The following MCM5 variants were observed in gnomAD, a reference collection of about 807,000 sequenced individuals.
The protein encoded by MCM5 is DNA replication licensing factor MCM5.
Under a neutral mutation model 79.9 loss-of-function variants are expected in MCM5, and 46 were observed. The ratio of observed to expected loss-of-function variants is 0.58; its 90% confidence interval spans 0.45 to 0.74. MCM5 has a LOEUF of 0.74. Among genes scored for constraint, MCM5 ranks in the 30% least tolerant of loss-of-function variants. MCM5 has a pLI of 0.00. For missense variants in MCM5, 883 were observed against 1,017.0 expected (o/e 0.87, Z 1.79); for synonymous variants, 404 against 390.5 (o/e 1.03, Z -0.41).
chr22:35,428,099 C>T (rs2145808159), downstream of MCM5, among the ~76,000 whole-genome samples: 1 of 150,982 alleles, frequency 6.6e-6, no homozygotes, highest in South Asian at 2.1e-4. Flanking sequence ...CGGCTCACTG[C>T]AACCTCCGCC....
At chr22:35,426,276 C>A (rs1569072281), downstream of MCM5, among the ~76,000 whole-genome samples, 1 of 152,178 alleles carries the variant, frequency 6.6e-6, no homozygotes, top group Non-Finnish European at 1.5e-5. Flanking sequence ...AGGGAAACAC[C>A]TGCTTGTTGG....
chr22:35,422,953 G>C, intron 15 of MCM5: 1 of 309,092 alleles, frequency 3.2e-6, no homozygotes, highest in Non-Finnish European at 5.9e-6. Context: ...TGTCTCTGCT[G>C]CGCTGGGCCC....
At chr22:35,430,998 C>T in the MCM5 span, among the ~76,000 whole-genome samples, 2 of 152,252 alleles carry the variant, frequency 1.3e-5, no homozygotes, top group South Asian at 2.1e-4. Flanking sequence ...CATGAGGGGG[C>T]GCCAGAGCAC....
chr22:35,446,021 C>G, the MCM5 span, among the ~76,000 whole-genome samples: 1 of 152,228 alleles, frequency 6.6e-6, no homozygotes, highest in Non-Finnish European at 1.5e-5. Flanking sequence ...GTGCTTGACA[C>G]ATAGTGGGCA....
the MCM5 span, among the ~76,000 whole-genome samples, chr22:35,441,967 A>T: frequency 2.6e-5 from 4 of 152,026 alleles, no homozygotes; most frequent in African/African-American, 9.7e-5. Context: ...GCGTGTTGCA[A>T]CAGCATCCCA....
At chr22:35,439,427 C>T in the MCM5 span, among the ~76,000 whole-genome samples, 1 of 45,766 alleles carries the variant, frequency 2.2e-5, no homozygotes, top group Non-Finnish European at 4.0e-5. Context: ...ATTCATTCAT[C>T]CATCCACCCA....
At position 35,421,342 on chromosome 22, in the gene MCM5, C is replaced by T. The variant is rs752688961; in HGVS notation, c.1857C>T (p.Ile619=). The T allele has an allele frequency of 1.2e-5, 20 of 1,613,596 alleles. No individual in the cohort carries two copies. The highest frequency in any genetic ancestry group is 5.5e-5 in the South Asian group (5 of 91,086). ...TVRQLEAIVR[I]AEALSKMKLQ... ...GGCAGCTGGAGGCCATTGTGCGCAT[C>T]GCGGAAGCCCTCAGCAAGATGAAGC... The change falls in exon 15 of 17, where the codon ATC becomes ATT. Residue 619 remains isoleucine, a synonymous_variant. Transcript: ENST00000216122.
rs713688 is a variant in MCM5, at chr22:35,403,352, C to A, written c.294+19C>A. The A allele has an allele frequency of 4.1e-3, 6,583 of 1,614,138 alleles. 22 individuals carry two copies. The highest frequency in any genetic ancestry group is 4.5e-3 in the Non-Finnish European group (5,277 of 1,179,998). ...GCAGCTGGTGAGTGGGACCCCATCCCTGAGCTTCCCAGGGCTGCTCTGCCC... is the reference window on the plus strand; with the variant it reads ...GCAGCTGGTGAGTGGGACCCCATCCATGAGCTTCCCAGGGCTGCTCTGCCC... On this transcript the variant is annotated intron_variant, in intron 3 of 16. Coordinates refer to ENST00000216122, the MANE Select transcript of MCM5 (RefSeq NM_006739.4).
chr22:35,434,333 A>G, the MCM5 span, among the ~76,000 whole-genome samples: 3 of 151,862 alleles, frequency 2.0e-5, no homozygotes, highest in Non-Finnish European at 4.4e-5. Context: ...CTGATGATAC[A>G]TCTTCTACAC....
chr22:35,418,566 A>C (rs1932608135), intron 13 of MCM5, among the ~76,000 whole-genome samples: 1 of 152,046 alleles, frequency 6.6e-6, no homozygotes, highest in African/African-American at 2.4e-5. Context: ...AGGCTGAGGC[A>C]GGAGAATTGC....
intron 4 of MCM5, among the ~76,000 whole-genome samples, chr22:35,404,143 C>G (rs2145783488): frequency 6.6e-6 from 1 of 152,106 alleles, no homozygotes; most frequent in East Asian, 1.9e-4. Flanking sequence ...AGACATGACA[C>G]TTTATCCCGA....
chr22:35,454,830 T>C, the MCM5 span, among the ~76,000 whole-genome samples: 5 of 152,124 alleles, frequency 3.3e-5, no homozygotes, highest in Admixed American at 3.3e-4. Context: ...TGTAAGGGGC[T>C]TCCCTGTGCT....
At chr22:35,427,338 G>T (rs561570943), downstream of MCM5, among the ~76,000 whole-genome samples, 2 of 152,280 alleles carry the variant, frequency 1.3e-5, no homozygotes, top group Admixed American at 6.5e-5. Context: ...CCATTCTCTT[G>T]CCTGTAAGCA....
chr22:35,447,900 C>T, the MCM5 span, among the ~76,000 whole-genome samples: 7 of 152,212 alleles, frequency 4.6e-5, no homozygotes, highest in South Asian at 1.4e-3. Context: ...TCAGTCTTCA[C>T]AGATCCTGCC....
the MCM5 span, among the ~76,000 whole-genome samples, chr22:35,454,756 C>T: frequency 2.3e-3 from 350 of 152,292 alleles, 7 homozygotes; most frequent in African/African-American, 8.2e-3. Flanking sequence ...TAGCCTAGCA[C>T]GTGCTGAACA....
At chr22:35,428,012 T>G (rs536634381), downstream of MCM5, among the ~76,000 whole-genome samples, 510 of 133,154 alleles carry the variant, frequency 3.8e-3, 2 homozygotes, top group Non-Finnish European at 6.7e-3. Context: ...CCCATCGCTC[T>G]CTCTCTCTCT....
intron 4 of MCM5, among the ~76,000 whole-genome samples, chr22:35,406,302 C>CCCG (rs545189664): frequency 3.5e-5 from 5 of 142,878 alleles, no homozygotes; most frequent in African/African-American, 1.0e-4. Context: ...TGCCACCTCC[C>CCCG]CCCCCAATTG....
intron 3 of MCM5, 31 bp downstream of exon 3, chr22:35,403,364 G>C (rs759982411): frequency 6.2e-7 from 1 of 1,613,978 alleles, no homozygotes; most frequent in Non-Finnish European, 8.5e-7. Context: ...GAGCTTCCCA[G>C]GGCTGCTCTG....
chr22:35,417,827 G>C lies in MCM5; in HGVS notation c.1674G>C (p.Lys558Asn). Residue 558 changes from lysine to asparagine, a missense_variant, in exon 13 of 17, where the codon AAG becomes AAC. By Grantham distance (94) the Lys-to-Asn change is moderately conservative. Transcript: ENST00000216122. ...TGGAGGGCGAGATTGACCTGGCCAA[G>C]CTGAAGAAGTTTATTGCCTACTGCC... ...QAVEGEIDLA[K>N]LKKFIAYCRV... is the part of the protein sequence containing the mutation. The C allele has an allele frequency of 1.2e-6, 2 of 1,614,172 alleles. No individual in the cohort carries two copies. The highest frequency in any genetic ancestry group is 1.7e-6 in the Non-Finnish European group (2 of 1,180,000).
Sources: allele counts gnomAD v4.1 joint callset (sites outside exome capture counted in the v4.1 genomes callset), GRCh38; gene constraint gnomAD v4.1.1; transcripts MANE v1.5; gene names NCBI Gene and HGNC (gene_info 2026-07-23, HGNC 2026-07-21).